Variants in CCSER2 observed in about 807,000 individuals in gnomAD.
The protein encoded by CCSER2 is coiled-coil serine rich protein 2, also known as serine-rich coiled-coil domain-containing protein 2.
Under a neutral mutation model 92.3 loss-of-function variants are expected in CCSER2, and 46 were observed. The ratio of observed to expected loss-of-function variants is 0.50; its 90% CI spans 0.39 to 0.64. The LOEUF (loss-of-function observed/expected upper bound fraction) is 0.64, where lower values mean the gene tolerates loss of function less well. CCSER2 is among the 30% of genes least tolerant of loss of function. The probability of loss-of-function intolerance (pLI) is 0.00; values close to 1 mark genes in which losing one functional copy is unlikely to be tolerated. For missense variants in CCSER2, 1,244 were observed against 1,238.9 expected (o/e 1.00, Z -0.06); for synonymous variants, 433 against 431.4 (o/e 1.00, Z -0.04).
chr10:84,464,076 T>TA, intron 7 of CCSER2, 60 bp downstream of exon 7: 1 of 816,068 alleles, frequency 1.2e-6, no homozygotes, highest in Non-Finnish European at 2.0e-6. Context: ...AAAATAATGA[T>TA]ACAATGACAA....
chr10:84,495,235 A>G (rs1239259679), intron 9 of CCSER2, among the ~76,000 whole-genome samples: 3 of 148,232 alleles, frequency 2.0e-5, no homozygotes, highest in Non-Finnish European at 4.4e-5. Context: ...ACTTAGGGGT[A>G]TGAATGTTAG....
intron 1 of CCSER2, among the ~76,000 whole-genome samples, chr10:84,339,683 C>T (rs983416430): frequency 5.3e-5 from 8 of 151,632 alleles, no homozygotes; most frequent in African/African-American, 1.7e-4. Context: ...CCATGTTGGT[C>T]AGGCTGGTCT....
intron 3 of CCSER2, among the ~76,000 whole-genome samples, chr10:84,412,523 G>A (rs2133368735): frequency 6.6e-6 from 1 of 152,116 alleles, no homozygotes; most frequent in Middle Eastern, 3.4e-3. Flanking sequence ...GTTCAGTCTT[G>A]GGAGGGTTGT....
intron 3 of CCSER2, among the ~76,000 whole-genome samples, chr10:84,396,893 A>G (rs1455040031): frequency 1.3e-5 from 2 of 152,200 alleles, no homozygotes; most frequent in East Asian, 1.9e-4. Flanking sequence ...TAGATTGTGC[A>G]TTGTTTATTC....
chr10:84,453,440 T>C (rs1845417464), intron 6 of CCSER2, among the ~76,000 whole-genome samples: 1 of 152,224 alleles, frequency 6.6e-6, no homozygotes. Flanking sequence ...AAAGCTTTCT[T>C]AACTGTAGTA....
chr10:84,409,969 T>C (rs544782624), intron 3 of CCSER2, among the ~76,000 whole-genome samples: 31 of 152,138 alleles, frequency 2.0e-4, no homozygotes, highest in African/African-American at 6.7e-4. Flanking sequence ...AATGTGTCCA[T>C]GTGTTCCCAT....
At chr10:84,392,739 CA>C (rs1841596383) in intron 3 of CCSER2, among the ~76,000 whole-genome samples, 1 of 152,052 alleles carries the variant, frequency 6.6e-6, no homozygotes, top group African/African-American at 2.4e-5. Context: ...CCAAATGAGT[CA>C]CTCCTTTTAC....
chr10:84,469,813 A>G (rs928522270), intron 7 of CCSER2, among the ~76,000 whole-genome samples: 1 of 152,102 alleles, frequency 6.6e-6, no homozygotes, highest in Non-Finnish European at 1.5e-5. Flanking sequence ...GTACTCCTCA[A>G]AAAGTGGCTC....
chr10:84,346,910 T>G (rs1844518995), intron 1 of CCSER2, among the ~76,000 whole-genome samples: 1 of 152,198 alleles, frequency 6.6e-6, no homozygotes, highest in South Asian at 2.1e-4. Context: ...CTGGTTTTCC[T>G]AGGCAGAGGA....
chr10:84,510,559 A>G (rs1849297318), intron 9 of CCSER2, among the ~76,000 whole-genome samples: 1 of 152,254 alleles, frequency 6.6e-6, no homozygotes, highest in Non-Finnish European at 1.5e-5. Flanking sequence ...TGTCTTAGCC[A>G]TGAGGATATG....
chr10:84,460,804 G>C (rs79519351), intron 6 of CCSER2, among the ~76,000 whole-genome samples: 3,276 of 152,180 alleles, frequency 0.022, 95 homozygotes, highest in Admixed American at 0.074. Context: ...CTTAGCATTT[G>C]AGATGTCTGT....
chr10:84,425,090 G>T (rs1397001324), intron 4 of CCSER2: 1 of 968,776 alleles, frequency 1.0e-6, no homozygotes, highest in Non-Finnish European at 1.2e-6. Flanking sequence ...GATTCTTTTC[G>T]TGTTTTTGTG....
At chr10:84,378,358 A>C (rs1365785809) in intron 3 of CCSER2, among the ~76,000 whole-genome samples, 1 of 150,764 alleles carries the variant, frequency 6.6e-6, no homozygotes, top group African/African-American at 2.4e-5. Flanking sequence ...CTTGGTCGTG[A>C]TGTATTATCT....
At chr10:84,391,922 G>C (rs1235321954) in intron 3 of CCSER2, 3 of 1,351,860 alleles carry the variant, frequency 2.2e-6, no homozygotes, top group Non-Finnish European at 3.2e-6. Flanking sequence ...GATGATCTCA[G>C]AGACACATTC....
chr10:84,470,382 T>C lies in CCSER2; in HGVS notation c.2159T>C (p.Leu720Ser). 1 of 1,329,858 alleles carries C rather than the reference T, an allele frequency of 7.5e-7. No homozygotes were observed. The highest frequency in any genetic ancestry group is 1.0e-6 in the Non-Finnish European group (1 of 992,006). 82.4% of individuals were successfully genotyped at this position (1,329,858 alleles called of 1,614,324 possible). The change falls in exon 8 of 10, where the codon TTA (leucine) becomes TCA (serine). Residue 720 changes from leucine to serine, a missense_variant. Physicochemically the swap from Leu to Ser is moderately radical, Grantham distance 145 (BLOSUM62 -2). Coordinates refer to ENST00000372088, the MANE Select transcript of CCSER2 (RefSeq NM_001284240.2). Reference sequence around the variant, plus strand: ...TTTTTAATATTTCAGAATGAAGATTTATTAAATGAAATAAAACAACTTAAA... The same window carrying C: ...TTTTTAATATTTCAGAATGAAGATTCATTAAATGAAATAAAACAACTTAAA... ...DGDKVYKNED[L>S]LNEIKQLKDE...
At chr10:84,500,636 G>A (rs1332842676) in intron 9 of CCSER2, among the ~76,000 whole-genome samples, 2 of 151,998 alleles carry the variant, frequency 1.3e-5, no homozygotes, top group East Asian at 1.9e-4. Flanking sequence ...AACAGTGTGG[G>A]TTATTTTGTT....
Position 84,441,734 on chromosome 10 carries a change from A to ATTTTTTTTTTTTT in CCSER2, c.2064+3028_2064+3029insTTTTTTTTTTTTT, listed in dbSNP as rs1564667385. On this transcript the variant is annotated intron_variant, in intron 6 of 9. Coordinates refer to ENST00000372088, the MANE Select transcript of CCSER2 (RefSeq NM_001284240.2). Reference sequence around the variant, plus strand: ...GGGAATAAAGTAGAAGACTGGGAAAATGTTTTTTTTTTTTTTTTTTTTTTT... The same window carrying ATTTTTTTTTTTTT: ...GGGAATAAAGTAGAAGACTGGGAAAATTTTTTTTTTTTTTGTTTTTTTTTTTTTTTTTTTTTTT... Among the ~76,000 whole-genome samples, 26 of 106,402 alleles carry ATTTTTTTTTTTTT rather than the reference A, an allele frequency of 2.4e-4. 3 individuals are homozygous for ATTTTTTTTTTTTT. Among genetic ancestry groups the ATTTTTTTTTTTTT allele is most frequent in the Non-Finnish European group, 4.3e-4 (23 of 54,112 alleles). The allele number at this position is 106,402 out of a possible 152,430, so 69.8% of individuals were successfully genotyped here.
intron 3 of CCSER2, among the ~76,000 whole-genome samples, chr10:84,377,098 AT>A (rs1259492897): frequency 6.6e-6 from 1 of 152,050 alleles, no homozygotes; most frequent in Non-Finnish European, 1.5e-5. Context: ...ATTCATGTGT[AT>A]ATTTACATTT....
chr10:84,429,572 G>A (rs2133453256), intron 5 of CCSER2, among the ~76,000 whole-genome samples: 1 of 151,934 alleles, frequency 6.6e-6, no homozygotes, highest in South Asian at 2.1e-4. Context: ...ATGTTACTGA[G>A]CGTGTCTTCC....
Sources: gnomAD v4.1 joint callset for allele counts (sites outside exome capture counted in the v4.1 genomes callset) on GRCh38, gnomAD v4.1.1 for gene constraint, MANE v1.5 for transcripts, NCBI Gene and HGNC (gene_info 2026-07-23, HGNC 2026-07-21) for gene names.